Variants in ERI3 observed in about 807,000 individuals in gnomAD.
ERI3 encodes the protein ERI1 exoribonuclease family member 3, also known as ERI1 exoribonuclease 3.
ERI3 carries 18 observed loss-of-function variants against 44.4 expected under a neutral mutation model. The observed-to-expected ratio is 0.41, with a 90% confidence interval of 0.28 to 0.60. The LOEUF is 0.60. Among genes scored for constraint, ERI3 ranks in the 20% least tolerant of loss-of-function variants. The pLI, the probability that ERI3 is intolerant of heterozygous loss-of-function variation, is 0.36. For missense variants in ERI3, 294 were observed against 435.5 expected (o/e 0.68, Z 2.89); for synonymous variants, 183 against 164.8 (o/e 1.11, Z -0.84).
At chr1:44,306,452 C>T (rs1645834936) in intron 6 of ERI3, among the ~76,000 whole-genome samples, 5 of 152,182 alleles carry the variant, frequency 3.3e-5, no homozygotes, top group Admixed American at 3.3e-4. Context: ...GGCTTCCTTT[C>T]ATATATGGTT....
intron 6 of ERI3, among the ~76,000 whole-genome samples, chr1:44,293,303 G>A (rs1012237195): frequency 6.6e-6 from 1 of 152,220 alleles, no homozygotes; most frequent in African/African-American, 2.4e-5. Flanking sequence ...AGGTGAGGCC[G>A]GGTGACCTCG....
intron 2 of ERI3, among the ~76,000 whole-genome samples, chr1:44,342,121 T>C (rs61769062): frequency 0.25 from 37,617 of 152,000 alleles, 4,743 homozygotes; most frequent in Non-Finnish European, 0.26. Context: ...GGCAGATATC[T>C]ACAACGGGTG....
intron 8 of ERI3, among the ~76,000 whole-genome samples, chr1:44,236,503 A>C (rs1284356844): frequency 1.3e-5 from 2 of 152,174 alleles, no homozygotes; most frequent in Non-Finnish European, 2.9e-5. Context: ...AGCATTCCTG[A>C]GGAAGCAAAC....
At chr1:44,280,884 C>T (rs1645270888) in intron 7 of ERI3, among the ~76,000 whole-genome samples, 1 of 152,228 alleles carries the variant, frequency 6.6e-6, no homozygotes, top group African/African-American at 2.4e-5. Context: ...ACCTTCACTA[C>T]ATTTTAGGCA....
intron 2 of ERI3, among the ~76,000 whole-genome samples, chr1:44,341,640 AC>A (rs1263773741): frequency 6.6e-6 from 1 of 152,176 alleles, no homozygotes; most frequent in African/African-American, 2.4e-5. Context: ...TAATCCCAGC[AC>A]TGTGGGAGGC....
intron 4 of ERI3, among the ~76,000 whole-genome samples, chr1:44,316,417 C>T (rs1447605702): frequency 1.3e-5 from 2 of 152,210 alleles, no homozygotes; most frequent in African/African-American, 4.8e-5. Context: ...TTGACCCTGA[C>T]TGATAACATG....
chr1:44,355,023 C>A lies in ERI3; in HGVS notation c.4G>T (p.Ala2Ser). 7.2e-7 allele frequency: 1 copy of A among 1,388,754 alleles called. No homozygotes were observed. The highest frequency in any genetic ancestry group is 1.9e-5 in the South Asian group (1 of 51,494). 86.0% of individuals were successfully genotyped at this position (1,388,754 alleles called of 1,614,324 possible). The change falls in exon 1 of 9, where the codon GCG (alanine) becomes TCG (serine). Residue 2 changes from alanine (A) to serine (S), a missense_variant. By Grantham distance (99) the Ala-to-Ser change is moderately conservative. Transcript: ENST00000372257. M[A>S]TASPAADGGR... The stretch of plus-strand genomic sequence containing the variant: ...CCGTCAGCAGCGGGAGAGGCTGTCG[C>A]CATGGCAACGCCCCCTCCTCGGGGC...
At chr1:44,340,709 G>A (rs1646636533) in intron 2 of ERI3, among the ~76,000 whole-genome samples, 1 of 152,196 alleles carries the variant, frequency 6.6e-6, no homozygotes, top group Non-Finnish European at 1.5e-5. Flanking sequence ...ATTTCAGGGG[G>A]ATTCAGTGGA....
intron 6 of ERI3, among the ~76,000 whole-genome samples, chr1:44,286,558 G>C (rs1645398120): frequency 6.6e-6 from 1 of 152,116 alleles, no homozygotes; most frequent in African/African-American, 2.4e-5. Flanking sequence ...ACAGAATAGA[G>C]CGAGGTGAGC....
chr1:44,282,479 C>T (rs1433479153), intron 7 of ERI3, among the ~76,000 whole-genome samples: 2 of 152,192 alleles, frequency 1.3e-5, no homozygotes, highest in African/African-American at 2.4e-5. Flanking sequence ...ATTCCTGCAA[C>T]CTTGGCAATG....
At chr1:44,242,194 G>A (rs765832467) in intron 8 of ERI3, 13 of 939,346 alleles carry the variant, frequency 1.4e-5, no homozygotes, top group African/African-American at 5.3e-5. Flanking sequence ...GTGTACAGTA[G>A]TACTGTGCTC....
intron 3 of ERI3, among the ~76,000 whole-genome samples, chr1:44,333,629 G>C (rs1646475179): frequency 6.6e-6 from 1 of 152,226 alleles, no homozygotes; most frequent in African/African-American, 2.4e-5. Flanking sequence ...GAGGATTCCT[G>C]CCTTTCAGCC....
At chr1:44,272,704 G>A (rs1645110130) in intron 7 of ERI3, among the ~76,000 whole-genome samples, 1 of 151,964 alleles carries the variant, frequency 6.6e-6, no homozygotes, top group Non-Finnish European at 1.5e-5. Context: ...AGCTGGGCAT[G>A]GTGGCACACC....
chr1:44,310,645 A>G (rs1455658744), intron 5 of ERI3, among the ~76,000 whole-genome samples: 2 of 152,142 alleles, frequency 1.3e-5, no homozygotes, highest in African/African-American at 4.8e-5. Flanking sequence ...GATTACTTCT[A>G]GCAGGTATAG....
intron 7 of ERI3, among the ~76,000 whole-genome samples, chr1:44,253,328 C>T (rs905818054): frequency 2.0e-5 from 3 of 152,178 alleles, no homozygotes; most frequent in Admixed American, 2.0e-4. Context: ...TCTTGTACTG[C>T]GAGATGGGAT....
intron 4 of ERI3, among the ~76,000 whole-genome samples, chr1:44,317,816 G>A (rs1002135866): frequency 5.9e-5 from 9 of 152,118 alleles, no homozygotes; most frequent in Admixed American, 5.2e-4. Flanking sequence ...AAGACAGACT[G>A]TAAGAGGGCA....
intron 3 of ERI3, among the ~76,000 whole-genome samples, chr1:44,331,429 GCCTCAGAGCCTTAGCCTTCTTGACAATA>G (rs1300681489): frequency 6.6e-6 from 1 of 151,954 alleles, no homozygotes; most frequent in African/African-American, 2.4e-5. Context: ...TCCTGATAAT[GCCTCAGAGCCTTAGCCTTCTTGACAATA>G]CCTCAGAGCC....
intron 1 of ERI3, chr1:44,353,347 G>C: frequency 1.0e-6 from 1 of 985,402 alleles, no homozygotes; most frequent in Non-Finnish European, 1.2e-6. Flanking sequence ...TGGCCACATA[G>C]ACTAGGAAAC....
In ERI3 at chr1:44,274,543, G is replaced by A. The variant is rs534394410; in HGVS notation, c.831+10292C>T. Among the ~76,000 whole-genome samples the A allele has an allele frequency of 1.1e-3, 174 of 152,288 alleles. 1 individual carries two copies. The highest frequency in any genetic ancestry group is 2.2e-3 in the Non-Finnish European group (148 of 68,020). On this transcript the variant is annotated intron_variant, in intron 7 of 8. Coordinates refer to ENST00000372257, the MANE Select transcript of ERI3 (RefSeq NM_024066.3). ...ACTACACCATGGGGGCAGGGAGATG[G>A]GAAGAAAGGAGACATTCCCTCTAGC...
Sources: allele counts gnomAD v4.1 joint callset (sites outside exome capture counted in the v4.1 genomes callset), GRCh38; gene constraint gnomAD v4.1.1; transcripts MANE v1.5; gene names NCBI Gene and HGNC (gene_info 2026-07-23, HGNC 2026-07-21).